The following NKAIN2 variants were observed in gnomAD, a reference collection of about 807,000 sequenced individuals.
NKAIN2 encodes the protein sodium/potassium transporting ATPase interacting 2, also known as sodium/potassium-transporting ATPase subunit beta-1-interacting protein 2.
A neutral mutation model predicts 32.6 loss-of-function variants in NKAIN2; 14 were observed. The observed-to-expected ratio is 0.43, with a 90% CI of 0.28 to 0.67. The LOEUF (loss-of-function observed/expected upper bound fraction) is 0.67, where lower values mean the gene tolerates loss of function less well. NKAIN2 is among the 30% of genes least tolerant of loss of function. NKAIN2 has a pLI of 0.17. For missense variants in NKAIN2, 198 were observed against 258.3 expected (o/e 0.77, Z 1.60); for synonymous variants, 80 against 87.2 (o/e 0.92, Z 0.46).
At chr6:124,081,146 T>C (rs1412821738) in intron 1 of NKAIN2, among the ~76,000 whole-genome samples, 1 of 152,134 alleles carries the variant, frequency 6.6e-6, no homozygotes, top group African/African-American at 2.4e-5. Flanking sequence ...CTTGGAACTT[T>C]TAAAGATTTT....
intron 3 of NKAIN2, among the ~76,000 whole-genome samples, chr6:124,624,183 A>AATC (rs1370915087): frequency 1.3e-5 from 2 of 152,198 alleles, no homozygotes; most frequent in Non-Finnish European, 2.9e-5. Flanking sequence ...GATCAGAAGT[A>AATC]ATCAGTCAGC....
At chr6:124,374,864 A>T (rs1799915167) in intron 3 of NKAIN2, among the ~76,000 whole-genome samples, 1 of 152,098 alleles carries the variant, frequency 6.6e-6, no homozygotes, top group African/African-American at 2.4e-5. Context: ...TAAAATGATA[A>T]TAATATATTA....
intron 1 of NKAIN2, among the ~76,000 whole-genome samples, chr6:123,911,787 A>ATGTG (rs1554222341): frequency 2.8e-5 from 2 of 71,282 alleles, no homozygotes; most frequent in East Asian, 1.1e-3. Flanking sequence ...ACATACATAT[A>ATGTG]TATATATATA....
chr6:124,082,798 T>G (rs1171817892), intron 1 of NKAIN2, among the ~76,000 whole-genome samples: 3 of 151,992 alleles, frequency 2.0e-5, no homozygotes, highest in Non-Finnish European at 4.4e-5. Context: ...TAGAAATCAA[T>G]CCATTTGCAT....
intron 6 of NKAIN2, among the ~76,000 whole-genome samples, chr6:124,822,215 A>G (rs1208306435): frequency 6.6e-6 from 1 of 152,160 alleles, no homozygotes; most frequent in Non-Finnish European, 1.5e-5. Context: ...AAATCTAGTG[A>G]AAAACCAAAA....
At chr6:124,625,547 T>TAATA (rs1236289446) in intron 3 of NKAIN2, among the ~76,000 whole-genome samples, 2 of 152,242 alleles carry the variant, frequency 1.3e-5, no homozygotes, top group East Asian at 3.9e-4. Context: ...AGTATGATAA[T>TAATA]AATAATAGGG....
chr6:124,168,983 A>T (rs1243506199), intron 1 of NKAIN2, among the ~76,000 whole-genome samples: 1 of 152,156 alleles, frequency 6.6e-6, no homozygotes, highest in Non-Finnish European at 1.5e-5. Context: ...AAAGCTAGTT[A>T]AAAAATTCAC....
chr6:124,215,415 G>T (rs1008864250), intron 1 of NKAIN2, among the ~76,000 whole-genome samples: 1 of 151,948 alleles, frequency 6.6e-6, no homozygotes, highest in Non-Finnish European at 1.5e-5. Context: ...TCTCCAATAT[G>T]ATGGGCCCAA....
intron 4 of NKAIN2, among the ~76,000 whole-genome samples, chr6:124,706,435 C>G (rs1368644122): frequency 4.6e-5 from 7 of 152,092 alleles, no homozygotes; most frequent in African/African-American, 1.7e-4. Context: ...AGCGACATTT[C>G]CTTCTGGCTG....
Position 124,760,838 on chromosome 6 carries a change from G to C in NKAIN2, c.475-30501G>C, listed in dbSNP as rs935230421. On this transcript the variant is annotated intron_variant, in intron 4 of 6. Transcript: ENST00000368417. ...CTTGATCCTCCTATTTAGATTGTCTGAGTATGTGTCCAATCCAATGAAGAG... is the reference window on the plus strand; with the variant it reads ...CTTGATCCTCCTATTTAGATTGTCTCAGTATGTGTCCAATCCAATGAAGAG... Among the ~76,000 whole-genome samples, 5 of 152,292 alleles carry C rather than the reference G, an allele frequency of 3.3e-5. No homozygotes were observed. The East Asian group carries it at 9.7e-4, about 29-fold the overall frequency.
At chr6:124,463,621 A>G (rs1304104656) in intron 3 of NKAIN2, among the ~76,000 whole-genome samples, 1 of 151,774 alleles carries the variant, frequency 6.6e-6, no homozygotes, top group Non-Finnish European at 1.5e-5. Context: ...CTCCCTTCCA[A>G]TTATTTAAAG....
At chr6:124,683,102 G>A (rs369033041) in intron 4 of NKAIN2, among the ~76,000 whole-genome samples, 10 of 152,266 alleles carry the variant, frequency 6.6e-5, no homozygotes, top group African/African-American at 2.2e-4. Flanking sequence ...AAACACATTT[G>A]TAACAAACAT....
chr6:124,067,944 G>A (rs1783270106), intron 1 of NKAIN2, among the ~76,000 whole-genome samples: 1 of 152,162 alleles, frequency 6.6e-6, no homozygotes, highest in South Asian at 2.1e-4. Flanking sequence ...CATATAAGGA[G>A]AGAATGACAG....
At chr6:124,586,289 T>G (rs141463538) in intron 3 of NKAIN2, among the ~76,000 whole-genome samples, 4 of 152,186 alleles carry the variant, frequency 2.6e-5, no homozygotes, top group African/African-American at 9.7e-5. Context: ...AATGGAACTC[T>G]CATACATCAG....
At position 123,849,949 on chromosome 6, in the gene NKAIN2, G is replaced by GTTTTTTTTTTTTTTTTTTTTTTTT. The variant is rs777466801; in HGVS notation, c.54+45707_54+45708insTTTTTTTTTTTTTTTTTTTTTTTT. Among the ~76,000 whole-genome samples, 13 of 38,734 alleles carry GTTTTTTTTTTTTTTTTTTTTTTTT rather than the reference G, an allele frequency of 3.4e-4. 1 individual carries two copies. Among genetic ancestry groups the GTTTTTTTTTTTTTTTTTTTTTTTT allele is most frequent in the African/African-American group, 4.1e-4 (10 of 24,362 alleles). The allele number at this position is 38,734 out of a possible 152,430, so 25.4% of individuals were successfully genotyped here. ...TGGTTTCACTCTGTAACTCAGGCTG[G>GTTTTTTTTTTTTTTTTTTTTTTTT]TTTTTTTTTTTTGTTTGTTTGTTTT... On this transcript the variant is annotated intron_variant, in intron 1 of 6. Transcript: ENST00000368417.
chr6:123,980,740 G>A (rs114926757), intron 1 of NKAIN2, among the ~76,000 whole-genome samples: 3 of 152,152 alleles, frequency 2.0e-5, no homozygotes, highest in Non-Finnish European at 4.4e-5. Flanking sequence ...AGGATACTTA[G>A]TAGATACTTG....
At chr6:123,911,366 T>A (rs994447802) in intron 1 of NKAIN2, among the ~76,000 whole-genome samples, 1 of 151,234 alleles carries the variant, frequency 6.6e-6, no homozygotes, top group South Asian at 2.1e-4. Flanking sequence ...TGAAAGGGAG[T>A]GGACATCACA....
chr6:124,557,383 C>T (rs1780515577), intron 3 of NKAIN2, among the ~76,000 whole-genome samples: 1 of 152,130 alleles, frequency 6.6e-6, no homozygotes, highest in African/African-American at 2.4e-5. Flanking sequence ...TGCTTTATAG[C>T]CCTGCGCTAA....
At chr6:124,266,438 C>T (rs1011695757) in intron 1 of NKAIN2, among the ~76,000 whole-genome samples, 3 of 151,954 alleles carry the variant, frequency 2.0e-5, no homozygotes, top group Non-Finnish European at 4.4e-5. Context: ...CCACCACACC[C>T]GGCTAATTTT....
Sources: gnomAD v4.1 joint callset for allele counts (sites outside exome capture counted in the v4.1 genomes callset) on GRCh38, gnomAD v4.1.1 for gene constraint, MANE v1.5 for transcripts, NCBI Gene and HGNC (gene_info 2026-07-23, HGNC 2026-07-21) for gene names.